The following NEBL variants were observed in gnomAD, a reference collection of about 807,000 sequenced individuals.
NEBL encodes the protein nebulette, also known as LIM and SH3 protein 2.
Under a neutral mutation model 140.2 loss-of-function variants are expected in NEBL, and 122 were observed. That is an observed-to-expected ratio of 0.87 (90% confidence interval 0.75 to 1.01). The LOEUF is 1.01. Ranked by LOEUF, NEBL falls within the 50% of genes least tolerant of loss-of-function variation. NEBL has a pLI of 0.00. For synonymous variants in NEBL, 436 were observed against 398.9 expected (o/e 1.09, Z -1.11); for missense variants, 1,365 against 1,231.3 (o/e 1.11, Z -1.62).
At chr10:21,133,978 G>A (rs1839232961) in intron 2 of NEBL, among the ~76,000 whole-genome samples, 1 of 152,174 alleles carries the variant, frequency 6.6e-6, no homozygotes, top group African/African-American at 2.4e-5. Flanking sequence ...TGTAATCCCA[G>A]CACTTTGGGA....
chr10:21,264,297 C>T (rs1246189057), intron 1 of NEBL, among the ~76,000 whole-genome samples: 2 of 152,204 alleles, frequency 1.3e-5, no homozygotes, highest in Non-Finnish European at 2.9e-5. Context: ...GCCCCTACCA[C>T]GGTGCTGGGA....
intron 3 of NEBL, among the ~76,000 whole-genome samples, chr10:21,213,796 C>G (rs1199673210): frequency 1.3e-5 from 2 of 149,672 alleles, no homozygotes; most frequent in African/African-American, 4.9e-5. Context: ...ATATTCCTCT[C>G]TTAAAAGGAC....
upstream of NEBL, among the ~76,000 whole-genome samples, chr10:20,901,763 C>T (rs573939587): frequency 1.3e-3 from 194 of 152,246 alleles, no homozygotes; most frequent in African/African-American, 4.6e-3. Context: ...GTTTTGATGA[C>T]CGTCTTCCGG....
chr10:21,119,877 C>T (rs183615495), intron 2 of NEBL, among the ~76,000 whole-genome samples: 10 of 152,200 alleles, frequency 6.6e-5, no homozygotes, highest in Non-Finnish European at 1.2e-4. Context: ...CTTCAATCTC[C>T]TTTAAACAGC....
At position 21,041,885 on chromosome 10, in the gene NEBL, T is replaced by A. The variant is rs192347219; in HGVS notation, c.165-21684A>T. 9.2e-5 allele frequency among the ~76,000 whole-genome samples: 14 copies of A among 152,316 alleles called. No homozygotes were observed. The East Asian group carries it at 2.5e-3, about 27-fold the overall frequency. On this transcript the variant is annotated intron_variant, in intron 2 of 6. Transcript: ENST00000417816. ...AGTAATTTCCCGATGTTGTCATACATTTGTAAACTGTCATGGTGCTGGTGG... is the reference window on the plus strand; with the variant it reads ...AGTAATTTCCCGATGTTGTCATACAATTGTAAACTGTCATGGTGCTGGTGG...
In NEBL at chr10:21,066,285, T is replaced by C. The variant is rs528058449; in HGVS notation, c.165-46084A>G. Among the ~76,000 whole-genome samples, 44 of 152,254 alleles carry C rather than the reference T, an allele frequency of 2.9e-4. No homozygotes were observed. In the South Asian group the frequency reaches 3.7e-3, roughly 13 times the overall value. On this transcript the variant is annotated intron_variant, in intron 2 of 6. Transcript: ENST00000417816. ...CATAGGATAGGAATGTTGCAGTTGTTGAAAAAAAATGTTAATTATTGGTGA... is the reference window on the plus strand; with the variant it reads ...CATAGGATAGGAATGTTGCAGTTGTCGAAAAAAAATGTTAATTATTGGTGA...
chr10:20,962,139 T>C (rs1364413821), intron 3 of NEBL, among the ~76,000 whole-genome samples: 1 of 152,200 alleles, frequency 6.6e-6, no homozygotes, highest in Non-Finnish European at 1.5e-5. Flanking sequence ...ATAGTTATTA[T>C]GATTATCACC....
At chr10:21,232,196 A>G (rs1842275014) in intron 3 of NEBL, among the ~76,000 whole-genome samples, 1 of 152,038 alleles carries the variant, frequency 6.6e-6, no homozygotes, top group South Asian at 2.1e-4. Flanking sequence ...AAGCATAGGA[A>G]ACAAGGTTAG....
At chr10:21,263,129 A>G (rs1400985445) in intron 1 of NEBL, among the ~76,000 whole-genome samples, 2 of 152,196 alleles carry the variant, frequency 1.3e-5, no homozygotes, top group African/African-American at 4.8e-5. Flanking sequence ...GATTGAACAC[A>G]TATTATGTTC....
intron 4 of NEBL, among the ~76,000 whole-genome samples, chr10:20,937,046 A>G (rs1430090251): frequency 6.6e-6 from 1 of 152,216 alleles, no homozygotes; most frequent in Non-Finnish European, 1.5e-5. Flanking sequence ...GTGATCTGGA[A>G]GGATTTAAAA....
At chr10:20,943,093 A>T (rs1294031146) in intron 4 of NEBL, among the ~76,000 whole-genome samples, 1 of 152,238 alleles carries the variant, frequency 6.6e-6, no homozygotes, top group Non-Finnish European at 1.5e-5. Flanking sequence ...TACTGGGTAT[A>T]TACCCAAAGG....
chr10:20,918,800 G>A (rs1010949680), intron 4 of NEBL, among the ~76,000 whole-genome samples: 6 of 151,912 alleles, frequency 3.9e-5, no homozygotes, highest in Admixed American at 6.6e-5. Flanking sequence ...GCAGTGAGCC[G>A]AGATTGCACC....
At chr10:20,994,033 C>G (rs1837571105) in intron 3 of NEBL, among the ~76,000 whole-genome samples, 1 of 152,200 alleles carries the variant, frequency 6.6e-6, no homozygotes, top group Non-Finnish European at 1.5e-5. Flanking sequence ...CATCTCACAA[C>G]AGAATCATCT....
At chr10:20,973,089 T>A (rs1836649539) in intron 3 of NEBL, among the ~76,000 whole-genome samples, 1 of 152,158 alleles carries the variant, frequency 6.6e-6, no homozygotes, top group Admixed American at 6.5e-5. Context: ...AATTACAGTG[T>A]CAGTTGTAAG....
At chr10:20,878,514 A>G (rs1164851571) in intron 5 of NEBL, among the ~76,000 whole-genome samples, 1 of 152,220 alleles carries the variant, frequency 6.6e-6, no homozygotes, top group Non-Finnish European at 1.5e-5. Context: ...TGTCTTTTAT[A>G]GAGATTCCAT....
intron 3 of NEBL, among the ~76,000 whole-genome samples, chr10:21,241,975 GT>G (rs1842445629): frequency 1.3e-5 from 2 of 152,182 alleles, no homozygotes; most frequent in Admixed American, 1.3e-4. Context: ...GCTGAGGTGT[GT>G]GGATCTCTTG....
chr10:21,073,728 C>T (rs1208183749), intron 2 of NEBL, among the ~76,000 whole-genome samples: 2 of 151,906 alleles, frequency 1.3e-5, no homozygotes, highest in African/African-American at 4.8e-5. Context: ...TATTTCTAGG[C>T]AACCTGTTAA....
chr10:20,792,804 A>C (rs1053044262), intron 26 of NEBL, among the ~76,000 whole-genome samples: 11 of 133,906 alleles, frequency 8.2e-5, no homozygotes, highest in African/African-American at 3.4e-4. Context: ...ATTCTGTCTC[A>C]AAAAAAAAAA....
At chr10:20,843,568 T>G (rs973276060) in intron 12 of NEBL, among the ~76,000 whole-genome samples, 5 of 152,140 alleles carry the variant, frequency 3.3e-5, no homozygotes, top group Non-Finnish European at 5.9e-5. Flanking sequence ...ACATAAATAG[T>G]GTATTTTTAA....
Sources: gnomAD v4.1 joint callset for allele counts (sites outside exome capture counted in the v4.1 genomes callset) on GRCh38, gnomAD v4.1.1 for gene constraint, MANE v1.5 for transcripts, NCBI Gene and HGNC (gene_info 2026-07-23, HGNC 2026-07-21) for gene names.